PCCA: variants seen among roughly 807,000 people sequenced by gnomAD.
PCCA encodes propionyl-CoA carboxylase subunit alpha, also known as propionyl-CoA carboxylase alpha chain, mitochondrial.
PCCA carries 74 observed loss-of-function variants against 101.3 expected under a neutral mutation model. That is an observed-to-expected ratio of 0.73 (90% CI 0.61 to 0.89). The LOEUF is 0.89. Among genes scored for constraint, PCCA ranks in the 40% least tolerant of loss-of-function variants. The pLI, the probability that PCCA is intolerant of heterozygous loss-of-function variation, is 0.00. For missense variants in PCCA, 891 were observed against 907.0 expected (o/e 0.98, Z 0.23); for synonymous variants, 294 against 313.6 (o/e 0.94, Z 0.66).
intron 4 of PCCA, among the ~76,000 whole-genome samples, chr13:100,131,987 A>G (rs1464269228): frequency 2.0e-5 from 3 of 152,180 alleles, no homozygotes. Flanking sequence ...ATTTTGGCAG[A>G]GACCTGAAGG....
chr13:100,218,078 A>G lies in PCCA; in HGVS notation c.600+8615A>G, dbSNP rs560238782. 4.0e-5 allele frequency among the ~76,000 whole-genome samples: 6 copies of G among 151,318 alleles called. No individual in the cohort carries two copies. In the East Asian group the frequency reaches 1.2e-3, roughly 29 times the overall value. The stretch of plus-strand genomic sequence containing the variant: ...CAACAGAGTAAGACTCTGTCTAAAA[A>G]AAAAAAAAAATCCATTCATTAGTTG... On this transcript the variant is annotated intron_variant, in intron 7 of 23. Coordinates refer to ENST00000376285, the MANE Select transcript of PCCA (RefSeq NM_000282.4).
chr13:100,463,005 C>G (rs1195529416), intron 21 of PCCA, among the ~76,000 whole-genome samples: 2 of 152,176 alleles, frequency 1.3e-5, no homozygotes, highest in African/African-American at 4.8e-5. Flanking sequence ...CAGGAGAAGG[C>G]ATTTCAGATA....
chr13:100,465,856 C>T (rs936006944), intron 21 of PCCA, among the ~76,000 whole-genome samples: 3 of 152,162 alleles, frequency 2.0e-5, no homozygotes, highest in East Asian at 3.8e-4. Flanking sequence ...ATACCTTATG[C>T]GAAGAAAATA....
At chr13:100,204,189 G>T (rs1381291899) in intron 6 of PCCA, among the ~76,000 whole-genome samples, 4 of 151,830 alleles carry the variant, frequency 2.6e-5, no homozygotes, top group Admixed American at 2.6e-4. Context: ...GAGTGCAGCG[G>T]TGCAGTCTCG....
chr13:100,520,305 G>T (rs930178684), intron 22 of PCCA, among the ~76,000 whole-genome samples: 7 of 152,188 alleles, frequency 4.6e-5, no homozygotes, highest in African/African-American at 1.4e-4. Context: ...ACTACCCCTG[G>T]ATTTGGCCTT....
intron 14 of PCCA, among the ~76,000 whole-genome samples, chr13:100,304,792 G>C (rs187307499): frequency 3.3e-5 from 5 of 152,164 alleles, no homozygotes; most frequent in African/African-American, 1.2e-4. Context: ...ACAATTTTTG[G>C]CTCTTACCTT....
At position 100,301,617 on chromosome 13, in the gene PCCA, T is replaced by C; in HGVS notation, c.1209+14T>C. The C allele has an allele frequency of 1.2e-6, 2 of 1,613,862 alleles. No homozygotes were observed. The highest frequency in any genetic ancestry group is 8.5e-7 in the Non-Finnish European group (1 of 1,179,822). On this transcript the variant is annotated intron_variant, in intron 13 of 23. Coordinates refer to ENST00000376285, the MANE Select transcript of PCCA (RefSeq NM_000282.4). ...GTTTATGCTGAGGTAAAATGAATGG[T>C]GTTGGGAGGAAGGATGGTGGTTATG...
chr13:100,120,757 G>A (rs781636170), intron 4 of PCCA, among the ~76,000 whole-genome samples: 11 of 152,044 alleles, frequency 7.2e-5, no homozygotes, highest in Non-Finnish European at 1.6e-4. Context: ...CATTTTCCAG[G>A]CCCTAGGAAA....
At chr13:100,302,046 T>A (rs1403124130) in intron 13 of PCCA, among the ~76,000 whole-genome samples, 2 of 152,326 alleles carry the variant, frequency 1.3e-5, no homozygotes, top group East Asian at 3.9e-4. Context: ...AACCTTTTTT[T>A]TGTATAATTT....
At chr13:100,213,516 A>G (rs2059347194) in intron 7 of PCCA, among the ~76,000 whole-genome samples, 1 of 152,158 alleles carries the variant, frequency 6.6e-6, no homozygotes, top group South Asian at 2.1e-4. Flanking sequence ...CCTGTTTAAC[A>G]TTTGTATGTC....
At chr13:100,387,683 CT>C (rs1247360307) in intron 19 of PCCA, among the ~76,000 whole-genome samples, 2 of 152,190 alleles carry the variant, frequency 1.3e-5, no homozygotes, top group African/African-American at 4.8e-5. Context: ...ACAGCTTGAT[CT>C]GTTTACTTTT....
intron 7 of PCCA, among the ~76,000 whole-genome samples, chr13:100,224,799 A>G (rs1317514884): frequency 1.3e-5 from 2 of 152,198 alleles, no homozygotes; most frequent in African/African-American, 2.4e-5. Flanking sequence ...GAGATTGATG[A>G]TGGACACAGC....
At chr13:100,341,731 C>T (rs1255582407) in intron 18 of PCCA, among the ~76,000 whole-genome samples, 1 of 151,870 alleles carries the variant, frequency 6.6e-6, no homozygotes, top group Non-Finnish European at 1.5e-5. Flanking sequence ...ATCCTAATTC[C>T]TTTACCTTCA....
chr13:100,479,727 C>G (rs1421603835), intron 21 of PCCA: 1 of 152,116 alleles, frequency 6.6e-6, no homozygotes, highest in Non-Finnish European at 1.5e-5. Flanking sequence ...CCATGCAGTT[C>G]AAATCCATGT....
chr13:100,262,475 A>C (rs2062590099), intron 9 of PCCA, among the ~76,000 whole-genome samples: 1 of 152,180 alleles, frequency 6.6e-6, no homozygotes, highest in African/African-American at 2.4e-5. Flanking sequence ...CTGAGAAGTT[A>C]AATAACTCAT....
chr13:100,097,363 C>T (rs1028474708), intron 1 of PCCA, among the ~76,000 whole-genome samples: 3 of 152,034 alleles, frequency 2.0e-5, no homozygotes, highest in Admixed American at 1.3e-4. Flanking sequence ...CTAAAAACCA[C>T]GGAGTTGTAT....
At chr13:100,496,632 T>A (rs2085299298) in intron 21 of PCCA, among the ~76,000 whole-genome samples, 2 of 152,212 alleles carry the variant, frequency 1.3e-5, no homozygotes, top group East Asian at 3.8e-4. Flanking sequence ...CACTCTGAAG[T>A]TACTACTTTC....
At chr13:100,197,466 A>G (rs551942525) in intron 6 of PCCA, among the ~76,000 whole-genome samples, 4 of 151,926 alleles carry the variant, frequency 2.6e-5, no homozygotes, top group African/African-American at 4.8e-5. Context: ...ATTTTTTGAG[A>G]CAGAGTGTCG....
At chr13:100,157,886 A>G (rs2054039919) in intron 6 of PCCA, among the ~76,000 whole-genome samples, 1 of 152,204 alleles carries the variant, frequency 6.6e-6, no homozygotes, top group Non-Finnish European at 1.5e-5. Context: ...ATGTTTGTAC[A>G]TATGTTTGTT....
Sources: allele counts gnomAD v4.1 joint callset (sites outside exome capture counted in the v4.1 genomes callset), GRCh38; gene constraint gnomAD v4.1.1; transcripts MANE v1.5; gene names NCBI Gene and HGNC (gene_info 2026-07-23, HGNC 2026-07-21).